Variants in IL3RA observed in about 807,000 individuals in gnomAD.
IL3RA encodes interleukin-3 receptor subunit alpha.
Under a neutral mutation model 52.3 loss-of-function variants are expected in IL3RA, and 73 were observed. The ratio of observed to expected loss-of-function variants is 1.40; its 90% CI spans 1.16 to 1.70. The LOEUF (loss-of-function observed/expected upper bound fraction) is 1.70. Among genes scored for constraint, IL3RA ranks in the 40% most tolerant of loss-of-function variants. IL3RA has a pLI of 0.00. For synonymous variants in IL3RA, 260 were observed against 194.0 expected (o/e 1.34, Z -2.83); for missense variants, 664 against 504.4 (o/e 1.32, Z -3.03).
rs1458222592 is a variant in IL3RA at position 1,365,130 on chromosome X, A to C, written c.760-8A>C. On this transcript the variant is annotated splice_region_variant and splice_polypyrimidine_tract_variant and intron_variant, in intron 8 of 11. Coordinates refer to ENST00000331035, the MANE Select transcript of IL3RA (RefSeq NM_002183.4). ...GGCCCCTCTTCTTTATTTTCTTTCA[A>C]ACCACAGGTCAGAGACAGAACCTCC... The C allele has an allele frequency of 6.2e-7, 1 of 1,600,868 alleles. No homozygotes were observed. Among genetic ancestry groups the C allele is most frequent in the Non-Finnish European group, 8.5e-7 (1 of 1,170,268 alleles).
chrX:1,373,752 T>C (rs2088607710), intron 9 of IL3RA, among the ~76,000 whole-genome samples: 1 of 29,812 alleles, frequency 3.4e-5, no homozygotes, highest in East Asian at 6.6e-4. Flanking sequence ...TCTGGTATTC[T>C]GTGACAGCAG....
intron 3 of IL3RA, among the ~76,000 whole-genome samples, chrX:1,347,452 C>G (rs780627931): frequency 4.0e-5 from 6 of 150,406 alleles, no homozygotes; most frequent in Admixed American, 3.3e-4. Context: ...CTCAAAAAAA[C>G]AAAAACAAAA....
intron 8 of IL3RA, among the ~76,000 whole-genome samples, chrX:1,364,184 T>C (rs1431433753): frequency 7.7e-6 from 1 of 130,388 alleles, no homozygotes; most frequent in Non-Finnish European, 1.6e-5. Context: ...TGAGACTCCA[T>C]CTCAAAAAAA....
chrX:1,367,967 T>C (rs1433316163), intron 9 of IL3RA, among the ~76,000 whole-genome samples: 1 of 151,846 alleles, frequency 6.6e-6, no homozygotes, highest in Non-Finnish European at 1.5e-5. Context: ...AGAGGAGACG[T>C]GGAGGGGAAA....
At chrX:1,356,997 A>G (rs6645249) in intron 7 of IL3RA, among the ~76,000 whole-genome samples, 114,911 of 151,916 alleles carry the variant, frequency 0.76, 44,252 homozygotes, top group African/African-American at 0.87. Context: ...TGTAGCCCAG[A>G]CTGGAGTGCA....
chrX:1,338,952 A>G (rs1405649176), intron 1 of IL3RA, among the ~76,000 whole-genome samples: 3 of 152,070 alleles, frequency 2.0e-5, no homozygotes, highest in Non-Finnish European at 2.9e-5. Flanking sequence ...GGCACCCGCA[A>G]CTACGCCTGG....
chrX:1,378,047 G>A (rs1266062676), intron 9 of IL3RA, among the ~76,000 whole-genome samples: 1 of 151,088 alleles, frequency 6.6e-6, no homozygotes, highest in Non-Finnish European at 1.5e-5. Flanking sequence ...TTACCCGGGC[G>A]TGGTGGCGGG....
At chrX:1,356,478 AAAAAC>A in intron 7 of IL3RA, 142 bp downstream of exon 7, 1 of 635,968 alleles carries the variant, frequency 1.6e-6, no homozygotes, top group Non-Finnish European at 2.8e-6. Flanking sequence ...AAACAAAAAC[AAAAAC>A]AAAAGGCCGG....
intron 6 of IL3RA, among the ~76,000 whole-genome samples, chrX:1,355,277 G>A (rs755336507): frequency 4.2e-4 from 27 of 64,040 alleles, no homozygotes; most frequent in Non-Finnish European, 8.8e-4. Flanking sequence ...TGGAGGAAGA[G>A]GAGCAGGAGG....
At chrX:1,379,381 C>T (rs1210154345) in intron 10 of IL3RA, among the ~76,000 whole-genome samples, 1 of 152,120 alleles carries the variant, frequency 6.6e-6, no homozygotes, top group Non-Finnish European at 1.5e-5. Flanking sequence ...GTGTTGAACT[C>T]CTGGCCTCAA....
intron 4 of IL3RA, among the ~76,000 whole-genome samples, chrX:1,351,236 G>A (rs1265212531): frequency 2.0e-5 from 3 of 152,062 alleles, no homozygotes; most frequent in Non-Finnish European, 2.9e-5. Flanking sequence ...AAAAGAATAT[G>A]CAGGATCTCT....
At chrX:1,378,793 C>T (rs758882764) in intron 10 of IL3RA, 29 bp downstream of exon 10, 8 of 1,585,890 alleles carry the variant, frequency 5.0e-6, no homozygotes, top group South Asian at 2.2e-5. Context: ...CCGCGAGCGT[C>T]GCTTGTTTCC....
At chrX:1,348,404 G>A (rs1464799919) in intron 3 of IL3RA, 27 bp from the exon 4 acceptor site, 4 of 1,517,314 alleles carry the variant, frequency 2.6e-6, no homozygotes, top group South Asian at 1.1e-5. Context: ...TCTGTCAGCA[G>A]CCATCATAGT....
intron 9 of IL3RA, among the ~76,000 whole-genome samples, chrX:1,377,123 C>G (rs1384640040): frequency 1.6e-4 from 24 of 152,018 alleles, no homozygotes; most frequent in Non-Finnish European, 2.5e-4. Context: ...ACGGGGTCTC[C>G]AAGCCCAGGA....
intron 9 of IL3RA, among the ~76,000 whole-genome samples, chrX:1,367,698 AGCCGGGTGCGCGGGGTGAGCGGGGTGC>A: frequency 2.4e-5 from 2 of 83,240 alleles, no homozygotes; most frequent in African/African-American, 1.0e-4. Flanking sequence ...GCGCGGGGTG[AGCCGGGTGCGCGGGGTGAGCGGGGTGC>A]GCCGGGTGAG....
chrX:1,348,690 C>CTTTG (rs1224805023), intron 4 of IL3RA, 145 bp downstream of exon 4: 1 of 480,248 alleles, frequency 2.1e-6, no homozygotes, highest in South Asian at 2.7e-5. Flanking sequence ...TTCTTTCTTT[C>CTTTG]TTTTTCTTTC....
intron 2 of IL3RA, 78 bp downstream of exon 2, chrX:1,341,907 C>T: frequency 6.8e-7 from 1 of 1,473,430 alleles, no homozygotes; most frequent in East Asian, 2.3e-5. Context: ...AGCGTGCCGT[C>T]CTTCAGGGAA....
At chrX:1,364,097 A>G (rs1169104670) in intron 8 of IL3RA, among the ~76,000 whole-genome samples, 3 of 151,778 alleles carry the variant, frequency 2.0e-5, no homozygotes, top group Non-Finnish European at 4.4e-5. Context: ...CTGAGGCAGG[A>G]GAATGGCATG....
chrX:1,362,933 G>C (rs769139828), intron 8 of IL3RA, among the ~76,000 whole-genome samples: 19 of 152,008 alleles, frequency 1.2e-4, no homozygotes, highest in Admixed American at 3.3e-4. Flanking sequence ...ACACCACCAC[G>C]CCTGGCTAAT....
Sources: gnomAD v4.1 joint callset for allele counts (sites outside exome capture counted in the v4.1 genomes callset) on GRCh38, gnomAD v4.1.1 for gene constraint, MANE v1.5 for transcripts, NCBI Gene and HGNC (gene_info 2026-07-23, HGNC 2026-07-21) for gene names.